The following THSD7A variants were observed in gnomAD, a reference collection of about 807,000 sequenced individuals.
The protein encoded by THSD7A is thrombospondin type 1 domain containing 7A.
Under a neutral mutation model 231.3 loss-of-function variants are expected in THSD7A, and 96 were observed. The observed-to-expected ratio is 0.41, with a 90% CI of 0.35 to 0.49. The LOEUF (loss-of-function observed/expected upper bound fraction) is 0.49, where lower values mean the gene tolerates loss of function less well. THSD7A is among the 20% of genes least tolerant of loss of function. The pLI, the probability that THSD7A is intolerant of heterozygous loss-of-function variation, is 0.05. For synonymous variants in THSD7A, 940 were observed against 743.3 expected, an observed-to-expected ratio of 1.26 and a Z score of -4.30; for missense variants, 2,290 against 2,070.2, an observed-to-expected ratio of 1.11 and a Z score of -2.06.
At chr7:11,769,153 A>ATATATATATATTTTTTTTTTTTTTTTTT in intron 1 of THSD7A, among the ~76,000 whole-genome samples, 1 of 27,646 alleles carries the variant, frequency 3.6e-5, no homozygotes, top group Non-Finnish European at 7.0e-5. Flanking sequence ...ATATATATAT[A>ATATATATATATTTTTTTTTTTTTTTTTT]TTTTTTTTTT....
chr7:11,537,617 C>T (rs953492402), intron 6 of THSD7A, among the ~76,000 whole-genome samples: 2 of 129,624 alleles, frequency 1.5e-5, no homozygotes, highest in Non-Finnish European at 3.1e-5. Context: ...CTAACAGTGC[C>T]ATGCTTCCTG....
intron 1 of THSD7A, among the ~76,000 whole-genome samples, chr7:11,769,021 G>A (rs942352285): frequency 6.8e-6 from 1 of 146,050 alleles, no homozygotes; most frequent in East Asian, 2.0e-4. Flanking sequence ...GCAATGGTGC[G>A]ATCTCGGCTC....
chr7:11,471,940 G>C (rs1244419085), intron 8 of THSD7A, among the ~76,000 whole-genome samples: 1 of 152,138 alleles, frequency 6.6e-6, no homozygotes, highest in African/African-American at 2.4e-5. Flanking sequence ...GCATTACTCA[G>C]TTGCATGCTC....
intron 6 of THSD7A, among the ~76,000 whole-genome samples, chr7:11,508,018 T>C (rs934852800): frequency 3.3e-5 from 5 of 152,164 alleles, no homozygotes; most frequent in South Asian, 2.1e-4. Flanking sequence ...AGGCATGTGT[T>C]ACATGGTGGC....
intron 1 of THSD7A, among the ~76,000 whole-genome samples, chr7:11,798,506 A>G (rs905175312): frequency 6.6e-6 from 1 of 152,026 alleles, no homozygotes; most frequent in Non-Finnish European, 1.5e-5. Flanking sequence ...AACAAAAAAA[A>G]AAAGAGAAAG....
intron 1 of THSD7A, among the ~76,000 whole-genome samples, chr7:11,748,752 TA>T (rs951902354): frequency 9.9e-5 from 15 of 152,074 alleles, no homozygotes; most frequent in African/African-American, 2.9e-4. Flanking sequence ...CTTTTACTTT[TA>T]AAAATATTTT....
At position 11,693,145 on chromosome 7, in the gene THSD7A, G is replaced by A. The variant is rs1584222256; in HGVS notation, c.191-56184C>T. Among the ~76,000 whole-genome samples, 6 of 151,504 alleles carry A rather than the reference G, an allele frequency of 4.0e-5. No individual in the cohort carries two copies. The East Asian group carries it at 9.8e-4, about 25-fold the overall frequency. On this transcript the variant is annotated intron_variant, in intron 1 of 27. Coordinates refer to ENST00000423059, the MANE Select transcript of THSD7A (RefSeq NM_015204.3). ...TAAACTTTTCAGGAAACACCTTAAA[G>A]AGAATTTAAAGTAGGAAAAAAATAG... is the stretch of plus-strand genomic sequence containing the variant.
intron 24 of THSD7A, among the ~76,000 whole-genome samples, chr7:11,381,684 A>G (rs527328462): frequency 7.2e-5 from 11 of 152,146 alleles, no homozygotes; most frequent in Non-Finnish European, 1.6e-4. Context: ...GATTTATAAA[A>G]AGAAATTGCT....
At chr7:11,432,372 G>A (rs7808628) in intron 13 of THSD7A, among the ~76,000 whole-genome samples, 1 of 151,940 alleles carries the variant, frequency 6.6e-6, no homozygotes, top group Non-Finnish European at 1.5e-5. Flanking sequence ...TCGTATTGTA[G>A]TCTTCATATG....
At chr7:11,470,142 G>T (rs575580455) in intron 8 of THSD7A, 148 bp from the exon 9 acceptor site, 123 of 638,936 alleles carry the variant, frequency 1.9e-4, no homozygotes, top group African/African-American at 1.7e-3. Context: ...TTCTGCTACA[G>T]GCAAGAACTA....
intron 4 of THSD7A, among the ~76,000 whole-genome samples, chr7:11,567,482 A>C (rs1387780027): frequency 1.3e-5 from 2 of 152,150 alleles, no homozygotes; most frequent in Non-Finnish European, 2.9e-5. Context: ...ACGAAGCCTA[A>C]CCATATCATT....
In THSD7A at chr7:11,588,230, G is replaced by A. The variant is rs560942541; in HGVS notation, c.1453+2230C>T. ...CCATTCACACATATTTATAGACTTCGCATGTCACCCCTGGGATGCTGGTAT... is the reference window on the plus strand; with the variant it reads ...CCATTCACACATATTTATAGACTTCACATGTCACCCCTGGGATGCTGGTAT... On this transcript the variant is annotated intron_variant, in intron 4 of 27. Transcript: ENST00000423059. Among the ~76,000 whole-genome samples, 16 of 152,098 alleles carry A rather than the reference G, an allele frequency of 1.1e-4. No homozygotes were observed. In the East Asian group the frequency reaches 2.3e-3, roughly 22 times the overall value.
chr7:11,781,613 C>G (rs1469887123), intron 1 of THSD7A, among the ~76,000 whole-genome samples: 1 of 152,154 alleles, frequency 6.6e-6, no homozygotes, highest in Non-Finnish European at 1.5e-5. Context: ...TAGATATTAT[C>G]AAAACCTGGG....
At chr7:11,512,608 A>G (rs746403613) in intron 6 of THSD7A, among the ~76,000 whole-genome samples, 6 of 152,046 alleles carry the variant, frequency 3.9e-5, no homozygotes, top group Non-Finnish European at 7.3e-5. Context: ...CAGCCATAAA[A>G]AAAGATGAGT....
At chr7:11,432,336 T>C (rs1225668319) in intron 13 of THSD7A, among the ~76,000 whole-genome samples, 1 of 152,118 alleles carries the variant, frequency 6.6e-6, no homozygotes, top group Non-Finnish European at 1.5e-5. Context: ...CTCCTATACA[T>C]TTGTCAAAGA....
At position 11,433,206 on chromosome 7, in the gene THSD7A, C is replaced by A. The variant is rs184141377; in HGVS notation, c.3065-4081G>T. On this transcript the variant is annotated intron_variant, in intron 13 of 27. Coordinates refer to ENST00000423059, the MANE Select transcript of THSD7A (RefSeq NM_015204.3). ...ATAGATTGCAGTGATCTACTTAAAT[C>A]TTACATTTTGACTTTAATTATGCTT... 1.1e-4 allele frequency among the ~76,000 whole-genome samples: 17 copies of A among 152,092 alleles called. No homozygotes were observed. The East Asian group carries it at 2.9e-3, about 26-fold the overall frequency.
chr7:11,461,901 T>C (rs1014184), intron 10 of THSD7A, 110 bp downstream of exon 10: 132,605 of 1,372,586 alleles, frequency 0.097, 6,980 homozygotes, highest in East Asian at 0.22. Flanking sequence ...CCCAACTCCA[T>C]TGAGCCTGTG....
chr7:11,785,852 T>C (rs560846919), intron 1 of THSD7A, among the ~76,000 whole-genome samples: 1 of 152,258 alleles, frequency 6.6e-6, no homozygotes, highest in South Asian at 2.1e-4. Flanking sequence ...AATAATAGGC[T>C]AATTCTTTAA....
chr7:11,554,887 G>A (rs1477345756), intron 4 of THSD7A, among the ~76,000 whole-genome samples: 1 of 151,834 alleles, frequency 6.6e-6, no homozygotes, highest in African/African-American at 2.4e-5. Flanking sequence ...AAATTTATGT[G>A]TATCAGGTTG....
Sources: gnomAD v4.1 joint callset for allele counts (sites outside exome capture counted in the v4.1 genomes callset) on GRCh38, gnomAD v4.1.1 for gene constraint, MANE v1.5 for transcripts, NCBI Gene and HGNC (gene_info 2026-07-23, HGNC 2026-07-21) for gene names.